Variants in KCNIP1 observed in about 807,000 individuals in gnomAD.
The protein encoded by KCNIP1 is potassium voltage-gated channel interacting protein 1, also known as A-type potassium channel modulatory protein KCNIP1.
KCNIP1 carries 18 observed loss-of-function variants against 33.0 expected under a neutral mutation model. The ratio of observed to expected loss-of-function variants is 0.55; its 90% CI spans 0.38 to 0.81. The LOEUF (loss-of-function observed/expected upper bound fraction) is 0.81. Ranked by LOEUF, KCNIP1 falls within the 30% of genes least tolerant of loss-of-function variation. KCNIP1 has a pLI of 0.00. For synonymous variants in KCNIP1, 93 were observed against 98.3 expected (o/e 0.95, Z 0.32); for missense variants, 238 against 271.6 (o/e 0.88, Z 0.87).
intron 1 of KCNIP1, among the ~76,000 whole-genome samples, chr5:170,530,521 A>T (rs1755750537): frequency 6.6e-6 from 1 of 152,206 alleles, no homozygotes; most frequent in Admixed American, 6.5e-5. Context: ...TCTGCCTCTC[A>T]TACCCAGGGA....
At chr5:170,571,209 T>C (rs62394305) in intron 1 of KCNIP1, among the ~76,000 whole-genome samples, 61,362 of 152,078 alleles carry the variant, frequency 0.4, 13,256 homozygotes, top group Admixed American at 0.49. Context: ...TGGACTCTGG[T>C]TGACTCTTGC....
chr5:170,524,724 C>G (rs1356118390), intron 1 of KCNIP1, among the ~76,000 whole-genome samples: 1 of 152,080 alleles, frequency 6.6e-6, no homozygotes, highest in Non-Finnish European at 1.5e-5. Flanking sequence ...TAGTTCATGC[C>G]TTCATTTTAC....
intron 1 of KCNIP1, among the ~76,000 whole-genome samples, chr5:170,381,942 G>A (rs1161200451): frequency 6.6e-6 from 1 of 152,112 alleles, no homozygotes; most frequent in East Asian, 1.9e-4. Flanking sequence ...TACTAGCGAT[G>A]ACAGAACACC....
At chr5:170,626,641 C>T (rs2113658132) in intron 1 of KCNIP1, among the ~76,000 whole-genome samples, 1 of 152,316 alleles carries the variant, frequency 6.6e-6, no homozygotes, top group African/African-American at 2.4e-5. Flanking sequence ...GACTCCGGGG[C>T]CCCAGGACCT....
chr5:170,610,466 T>C (rs1365336170), intron 1 of KCNIP1, among the ~76,000 whole-genome samples: 2 of 152,202 alleles, frequency 1.3e-5, no homozygotes, highest in Non-Finnish European at 2.9e-5. Flanking sequence ...ACACACAGCA[T>C]GATGGGCTGG....
chr5:170,699,466 T>C (rs1006865092), intron 1 of KCNIP1, among the ~76,000 whole-genome samples: 7 of 151,854 alleles, frequency 4.6e-5, no homozygotes, highest in Admixed American at 3.9e-4. Context: ...CTTTGCATGT[T>C]TAATCTTCCC....
chr5:170,453,454 C>T (rs1439904339), intron 1 of KCNIP1, among the ~76,000 whole-genome samples: 1 of 152,196 alleles, frequency 6.6e-6, no homozygotes, highest in Non-Finnish European at 1.5e-5. Flanking sequence ...TACCACATTC[C>T]TGGTTCCAGT....
intron 1 of KCNIP1, among the ~76,000 whole-genome samples, chr5:170,474,206 T>C (rs1466637632): frequency 1.3e-5 from 2 of 152,146 alleles, no homozygotes; most frequent in Non-Finnish European, 2.9e-5. Flanking sequence ...CCCGAGAGGC[T>C]TTTTATCTTT....
At chr5:170,518,306 C>T (rs1237611139) in intron 1 of KCNIP1, among the ~76,000 whole-genome samples, 1 of 152,164 alleles carries the variant, frequency 6.6e-6, no homozygotes, top group African/African-American at 2.4e-5. Context: ...GGATTTCCAA[C>T]CCCCAGAACT....
chr5:170,500,807 G>C (rs1169317291), upstream of KCNIP1, among the ~76,000 whole-genome samples: 1 of 152,206 alleles, frequency 6.6e-6, no homozygotes, highest in Non-Finnish European at 1.5e-5. Context: ...ATGAGCTATT[G>C]TGCATGTAAA....
intron 1 of KCNIP1, among the ~76,000 whole-genome samples, chr5:170,495,041 C>T (rs188562647): frequency 1.3e-5 from 2 of 152,208 alleles, no homozygotes; most frequent in African/African-American, 4.8e-5. Flanking sequence ...AGTTACTTTG[C>T]TTACTGCTTC....
Position 170,504,315 on chromosome 5 carries a change from C to T in KCNIP1, c.-258C>T. 2 of 1,361,152 alleles carry T rather than the reference C, an allele frequency of 1.5e-6. No homozygotes were observed. The highest frequency in any genetic ancestry group is 1.7e-5 in the South Asian group (1 of 58,124). 84.3% of individuals were successfully genotyped at this position (1,361,152 alleles called of 1,614,324 possible). On this transcript the variant is annotated 5_prime_UTR_variant, in exon 1 of 8. Transcript: ENST00000328939. This position sits in a 1 kb window ranked among gnomAD's most constrained non-coding sequence, Gnocchi z 6.0. ...GGCCCTGGGCGAGGGAACCGCCGGGCCGGGTCCTCGCGCGGGGAAGCGGTT... is the reference window on the plus strand; with the variant it reads ...GGCCCTGGGCGAGGGAACCGCCGGGTCGGGTCCTCGCGCGGGGAAGCGGTT...
At chr5:170,357,030 G>T (rs985508669) in intron 1 of KCNIP1, among the ~76,000 whole-genome samples, 1 of 152,138 alleles carries the variant, frequency 6.6e-6, no homozygotes, top group Non-Finnish European at 1.5e-5. Context: ...AGGAAAGGCT[G>T]GGTGGGCAGG....
chr5:170,660,531 C>T (rs1761441237), intron 1 of KCNIP1, among the ~76,000 whole-genome samples: 1 of 152,200 alleles, frequency 6.6e-6, no homozygotes, highest in Non-Finnish European at 1.5e-5. Context: ...AGCTGGGTGG[C>T]AGCTAAAGAG....
chr5:170,418,296 T>A (rs2113421461), intron 1 of KCNIP1, among the ~76,000 whole-genome samples: 1 of 152,200 alleles, frequency 6.6e-6, no homozygotes, highest in South Asian at 2.1e-4. Context: ...CTGGGCAGGG[T>A]GGCATGCACC....
chr5:170,576,551 A>G (rs1757610240), intron 1 of KCNIP1, among the ~76,000 whole-genome samples: 1 of 152,156 alleles, frequency 6.6e-6, no homozygotes, highest in African/African-American at 2.4e-5. Context: ...AACTGGACAT[A>G]CCCAATGCAA....
At chr5:170,441,608 T>C (rs888355537) in intron 1 of KCNIP1, among the ~76,000 whole-genome samples, 14 of 152,106 alleles carry the variant, frequency 9.2e-5, no homozygotes, top group Admixed American at 1.3e-4. Context: ...CAGATTTTCC[T>C]TGAGGGCCGT....
At chr5:170,553,757 C>G (rs932790453) in intron 1 of KCNIP1, among the ~76,000 whole-genome samples, 10 of 152,238 alleles carry the variant, frequency 6.6e-5, no homozygotes, top group Non-Finnish European at 1.2e-4. Context: ...AAGAGGTGAA[C>G]CTCAGATGCC....
chr5:170,404,638 A>G (rs314144), intron 1 of KCNIP1, among the ~76,000 whole-genome samples: 112,080 of 152,028 alleles, frequency 0.74, 42,153 homozygotes, highest in African/African-American at 0.89. Flanking sequence ...AGCAGTAGGG[A>G]AAGCAGAAGC....
Sources: allele counts gnomAD v4.1 joint callset (sites outside exome capture counted in the v4.1 genomes callset), GRCh38; gene constraint gnomAD v4.1.1; non-coding constraint Gnocchi (gnomAD v3.1); transcripts MANE v1.5; gene names NCBI Gene and HGNC (gene_info 2026-07-23, HGNC 2026-07-21).